Variants in COL6A2 observed in about 807,000 individuals in gnomAD.
The protein encoded by COL6A2 is collagen type VI alpha 2 chain.
In COL6A2, 90 loss-of-function variants were observed where a neutral mutation model predicts 124.9. That is an observed-to-expected ratio of 0.72 (90% confidence interval 0.61 to 0.86). The LOEUF (loss-of-function observed/expected upper bound fraction) is 0.86. Ranked by LOEUF, COL6A2 falls within the 40% of genes least tolerant of loss-of-function variation. The probability of loss-of-function intolerance (pLI) is 0.00; values close to 1 mark genes in which losing one functional copy is unlikely to be tolerated. For missense variants in COL6A2, 1,607 were observed against 1,502.5 expected (o/e 1.07, Z -1.15); for synonymous variants, 793 against 618.2 (o/e 1.28, Z -4.19).
chr21:46,120,968 C>T, intron 16 of COL6A2, 93 bp from the exon 17 acceptor site: 1 of 1,244,126 alleles, frequency 8.0e-7, no homozygotes, highest in Non-Finnish European at 1.2e-6. Flanking sequence ...CGTCTTACCC[C>T]CGAGGCCCTG....
intron 27 of COL6A2, chr21:46,129,125 C>A: frequency 6.2e-7 from 1 of 1,608,250 alleles, no homozygotes; most frequent in Non-Finnish European, 8.5e-7. Context: ...CGCTGAGCGG[C>A]TGCCCGAGGA....
intron 11 of COL6A2, 120 bp downstream of exon 11, chr21:46,117,573 C>G: frequency 4.0e-6 from 4 of 1,000,146 alleles, no homozygotes; most frequent in Non-Finnish European, 6.1e-6. Flanking sequence ...CCAGCAGCCC[C>G]AGCCCAGCAG....
chr21:46,129,423 A>C (rs771749782), intron 27 of COL6A2: 2 of 1,612,036 alleles, frequency 1.2e-6, no homozygotes, highest in Admixed American at 1.7e-5. Flanking sequence ...GGAGCTGTTC[A>C]TTGACACCTT....
chr21:46,111,230 C>G (rs1022950278), intron 1 of COL6A2, among the ~76,000 whole-genome samples: 2 of 152,216 alleles, frequency 1.3e-5, no homozygotes, highest in African/African-American at 4.8e-5. Context: ...CCAGAGGCAC[C>G]CACTAAACAT....
intron 1 of COL6A2, among the ~76,000 whole-genome samples, chr21:46,098,588 C>T (rs913785382): frequency 4.0e-5 from 6 of 151,598 alleles, no homozygotes; most frequent in Admixed American, 2.6e-4. Flanking sequence ...GGGGAAGACG[C>T]CCCGGCTGGC....
rs760252843 is a variant in COL6A2 at position 46,126,532 on chromosome 21, T to C, written c.2452T>C (p.Cys818Arg). ...TCAGATCGTGTGCCCAGACCTTCCC[T>C]GCCAAACAGGTAATGCAGGGCACCC... ...DPQIVCPDLP[C>R]QTELSVAQCT... Residue 818 changes from cysteine to arginine, a missense_variant, in exon 27 of 28, where the codon TGC (cysteine) becomes CGC (arginine). Cys to Arg is a radical substitution (Grantham distance 180). Transcript: ENST00000300527. 1.1e-5 allele frequency: 17 copies of C among 1,613,316 alleles called. No individual in the cohort carries two copies. The highest frequency in any genetic ancestry group is 1.7e-5 in the Admixed American group (1 of 60,002).
At chr21:46,129,696 A>G (rs2078734393) in intron 27 of COL6A2, 6 of 1,415,140 alleles carry the variant, frequency 4.2e-6, no homozygotes, top group Admixed American at 2.9e-5. Context: ...TGCATCTTCC[A>G]GTCTCTCCTC....
rs752562490 is a variant in COL6A2, at chr21:46,121,635, C to T, written c.1521+17C>T. On this transcript the variant is annotated intron_variant, in intron 18 of 27. Coordinates refer to ENST00000300527, the MANE Select transcript of COL6A2 (RefSeq NM_001849.4). ...GGCCCCAAGGTACGTGCCCCTCCCC[C>T]AGCAGGACGTATTAGGGGTTCGGGG... 6.2e-7 allele frequency: 1 copy of T among 1,612,380 alleles called. No individual in the cohort carries two copies. The highest frequency in any genetic ancestry group is 8.5e-7 in the Non-Finnish European group (1 of 1,179,652).
intron 13 of COL6A2, 90 bp downstream of exon 13, chr21:46,118,766 C>T (rs2078515829): frequency 4.8e-6 from 7 of 1,446,222 alleles, no homozygotes; most frequent in South Asian, 2.4e-5. Context: ...ACCATCTCTG[C>T]TGTCACCATG....
chr21:46,129,131 GA>G (rs2078720633), intron 27 of COL6A2: 1 of 1,609,056 alleles, frequency 6.2e-7, no homozygotes, highest in South Asian at 1.1e-5. Context: ...GCGGCTGCCC[GA>G]GGAGGAGCTC....
rs1203311153 is a variant in COL6A2, at chr21:46,102,045, G to A, written c.-28+3872G>A. 4.0e-5 allele frequency among the ~76,000 whole-genome samples: 6 copies of A among 151,616 alleles called. No homozygotes were observed. The East Asian group carries it at 1.2e-3, about 29-fold the overall frequency. Reference sequence around the variant, plus strand: ...AGTCTTCCAATCTATGAACATGAATGTCTTTTTTTAAATGTCCTCTTCAAT... The same window carrying A: ...AGTCTTCCAATCTATGAACATGAATATCTTTTTTTAAATGTCCTCTTCAAT... On this transcript the variant is annotated intron_variant, in intron 1 of 27. Coordinates refer to ENST00000300527, the MANE Select transcript of COL6A2 (RefSeq NM_001849.4).
At position 46,126,051 on chromosome 21, in the gene COL6A2, G is replaced by A. The variant is rs916814565; in HGVS notation, c.2236G>A (p.Ala746Thr). The change falls in exon 26 of 28, where the codon GCG becomes ACG. Residue 746 changes from alanine (A) to threonine (T), a missense_variant. Transcript: ENST00000300527. ...DPRDDDLNLR[A>T]LCDRDVTVTA... ...TCGGGACGATGACCTCAACTTGCGG[G>A]CGCTGTGCGACCGCGACGTCACAGT... The A allele has an allele frequency of 3.7e-6, 6 of 1,612,942 alleles. No homozygotes were observed. In the African/African-American group the frequency reaches 6.7e-5, roughly 18 times the overall value.
intron 3 of COL6A2, 37 bp downstream of exon 3, chr21:46,112,614 G>A: frequency 6.2e-7 from 1 of 1,605,884 alleles, no homozygotes; most frequent in Non-Finnish European, 8.5e-7. Context: ...ACGCGCCAGG[G>A]GTGGCCACGG....
rs1393936038 is a variant in COL6A2, at chr21:46,125,793, G to A, written c.1978G>A (p.Val660Met). 2 of 1,611,690 alleles carry A rather than the reference G, an allele frequency of 1.2e-6. No individual in the cohort carries two copies. The highest frequency in any genetic ancestry group is 1.7e-4 in the Middle Eastern group (1 of 6,058). The change falls in exon 26 of 28, where the codon GTG becomes ATG. Residue 660 changes from valine (V) to methionine (M), a missense_variant. Around this residue, in one of 3 missense-constraint regions of COL6A2, gnomAD observed 1,223 missense variants for 1,052.2 expected, o/e 1.16. Coordinates refer to ENST00000300527, the MANE Select transcript of COL6A2 (RefSeq NM_001849.4). ...ACGCGTGCGGCTTGCAGGGACGCGT[G>A]TGGGCGTGGTGCAGTACAGCCACGA... is the stretch of plus-strand genomic sequence containing the variant. The part of the protein sequence containing the change: ...KDPKSETGTR[V>M]GVVQYSHEGT...
At chr21:46,128,334 C>A (rs148023446) in intron 27 of COL6A2, among the ~76,000 whole-genome samples, 1 of 152,376 alleles carries the variant, frequency 6.6e-6, no homozygotes, top group East Asian at 1.9e-4. Flanking sequence ...CAGAGCTCAT[C>A]CTCCTTCCCA....
In COL6A2 at chr21:46,116,266, C is replaced by T. The variant is rs2839109; in HGVS notation, c.901-111C>T. On this transcript the variant is annotated intron_variant, in intron 7 of 27. Coordinates refer to ENST00000300527, the MANE Select transcript of COL6A2 (RefSeq NM_001849.4). The surrounding 1 kb of genome is among the most constrained non-coding windows in gnomAD (Gnocchi z 4.6). ...CTCCGCAGACTGTTTGTCGAGAACACTAGATGCCAGCGGCCCACCGAGCAC... is the reference window on the plus strand; with the variant it reads ...CTCCGCAGACTGTTTGTCGAGAACATTAGATGCCAGCGGCCCACCGAGCAC... The T allele has an allele frequency of 0.052, 68,611 of 1,329,624 alleles. 4,199 individuals are homozygous for T. Among genetic ancestry groups the T allele is most frequent in the East Asian group, 0.35 (14,168 of 40,842 alleles). The allele number at this position is 1,329,624 out of a possible 1,614,324, so 82.4% of individuals were successfully genotyped here. A position where few individuals can be genotyped will look rare whatever the true frequency, so the allele number is the denominator to read the frequency against.
intron 13 of COL6A2, 132 bp from the exon 14 acceptor site, chr21:46,118,898 C>T (rs1601231920): frequency 2.1e-6 from 2 of 945,092 alleles, no homozygotes; most frequent in African/African-American, 1.6e-5. Flanking sequence ...GGGGACCCTG[C>T]AGGGCCCCCA....
At chr21:46,129,717 T>TGGCC (rs1201104245) in intron 27 of COL6A2, 33 of 1,400,706 alleles carry the variant, frequency 2.4e-5, no homozygotes, top group Admixed American at 6.1e-5. Flanking sequence ...CGTCTTCCTG[T>TGGCC]GGCCGCTCTC....
chr21:46,122,581 C>T (rs377505485), intron 20 of COL6A2, 50 bp downstream of exon 20: 46 of 1,594,086 alleles, frequency 2.9e-5, no homozygotes, highest in Admixed American at 8.3e-5. Flanking sequence ...GGGGTCTGCA[C>T]GCCCAATTGC....
Sources: gnomAD v4.1 joint callset for allele counts (sites outside exome capture counted in the v4.1 genomes callset) on GRCh38, gnomAD v4.1.1 for gene constraint, gnomAD v4.1.1 regional missense constraint, Gnocchi (gnomAD v3.1) non-coding constraint, MANE v1.5 for transcripts, NCBI Gene and HGNC (gene_info 2026-07-23, HGNC 2026-07-21) for gene names.